Variants in AHRR observed in about 807,000 individuals in gnomAD.
AHRR encodes aryl hydrocarbon receptor repressor.
AHRR carries 28 observed loss-of-function variants against 44.0 expected under a neutral mutation model. The observed-to-expected ratio is 0.64, with a 90% CI of 0.47 to 0.87. The LOEUF is 0.87. Ranked by LOEUF, AHRR falls within the 40% of genes least tolerant of loss-of-function variation. AHRR has a pLI of 0.00. For missense variants in AHRR, 990 were observed against 953.9 expected (o/e 1.04, Z -0.50); for synonymous variants, 434 against 407.0 (o/e 1.07, Z -0.80).
chr5:381,506 CTTTT>C (rs781159124), intron 4 of AHRR, among the ~76,000 whole-genome samples: 4 of 46,914 alleles, frequency 8.5e-5, no homozygotes, highest in Non-Finnish European at 1.5e-4. Context: ...CTTAGGTTTG[CTTTT>C]TTTTTTTTTT....
At chr5:336,161 C>A (rs56325643) in intron 1 of AHRR, among the ~76,000 whole-genome samples, 3 of 152,102 alleles carry the variant, frequency 2.0e-5, no homozygotes. Flanking sequence ...TCCCTAAATC[C>A]GATGCAGATT....
At chr5:324,420 A>AT (rs530944388) in intron 1 of AHRR, among the ~76,000 whole-genome samples, 6 of 148,534 alleles carry the variant, frequency 4.0e-5, no homozygotes, top group African/African-American at 5.0e-5. Flanking sequence ...TCCACTTGGA[A>AT]TTTTTTTTTT....
At chr5:421,252 G>A (rs1736099471) in intron 5 of AHRR, 2 of 696,372 alleles carry the variant, frequency 2.9e-6, no homozygotes, top group Admixed American at 2.0e-5. Context: ...GTTCAGCCAC[G>A]GAGCGGATGC....
At chr5:340,688 A>ATATT (rs1269938749) in intron 1 of AHRR, among the ~76,000 whole-genome samples, 1 of 12,928 alleles carries the variant, frequency 7.7e-5, no homozygotes. Context: ...ATATATATAT[A>ATATT]TTTTTTTTTT....
Position 383,149 on chromosome 5 carries a change from C to A in AHRR, c.351+6433C>A, listed in dbSNP as rs906473637. 3.3e-5 allele frequency among the ~76,000 whole-genome samples: 5 copies of A among 152,124 alleles called. No homozygotes were observed. Among genetic ancestry groups the A allele is most frequent in the Admixed American group, 1.3e-4 (2 of 15,270 alleles). On this transcript the variant is annotated intron_variant, in intron 4 of 10. Coordinates refer to ENST00000684583, the MANE Select transcript of AHRR (RefSeq NM_001377236.1). The surrounding 1 kb of genome is among the most constrained non-coding windows in gnomAD (Gnocchi z 4.0). ...AATATACTTTTTAATGATTTCTATT[C>A]TTTTATATTTGTTAAAGACAATTTT...
Position 436,465 on chromosome 5 carries a change from G to A in AHRR, c.*1631G>A, listed in dbSNP as rs1350733295. The A allele has an allele frequency of 6.6e-6, 1 of 152,468 alleles. No homozygotes were observed. The highest frequency in any genetic ancestry group is 1.5e-5 in the Non-Finnish European group (1 of 68,124). 9.4% of individuals were successfully genotyped at this position (152,468 alleles called of 1,614,324 possible). ...CTGGGTCTTCTGCCCAATGCCAGGT[G>A]CCTGCGCCTCTCAGTGGCCTGGTTC... is the stretch of plus-strand genomic sequence containing the variant. On this transcript the variant is annotated 3_prime_UTR_variant, in exon 11 of 11. Coordinates refer to ENST00000684583, the MANE Select transcript of AHRR (RefSeq NM_001377236.1).
Position 434,627 on chromosome 5 carries a change from G to A in AHRR, c.1887G>A (p.Glu629=), listed in dbSNP as rs368533373. ...CCACAGACGGCCTTCCCCAGTCGGAGCCTCCCCACCAGCTCTGTGCACGGG... is the reference window on the plus strand; with the variant it reads ...CCACAGACGGCCTTCCCCAGTCGGAACCTCCCCACCAGCTCTGTGCACGGG... ...LEPTDGLPQS[E]PPHQLCARGR... is the part of the protein sequence containing the mutation. The change falls in exon 11 of 11, where the codon GAG becomes GAA. Residue 629 remains glutamate (E), a synonymous_variant. Transcript: ENST00000684583. 394 of 1,562,258 alleles carry A rather than the reference G, an allele frequency of 2.5e-4. No homozygotes were observed. The highest frequency in any genetic ancestry group is 3.0e-4 in the Non-Finnish European group (348 of 1,153,502).
At chr5:421,697 C>T (rs969401773) in intron 5 of AHRR, among the ~76,000 whole-genome samples, 2 of 152,176 alleles carry the variant, frequency 1.3e-5, no homozygotes, top group Non-Finnish European at 2.9e-5. Flanking sequence ...AAGGGAACTG[C>T]GGAGGCACAG....
intron 1 of AHRR, among the ~76,000 whole-genome samples, chr5:324,045 T>TTCTC (rs535547539): frequency 1.6e-5 from 2 of 123,366 alleles, no homozygotes; most frequent in African/African-American, 3.2e-5. Flanking sequence ...CTGTCTCTCT[T>TTCTC]TCTCTCTCTC....
At chr5:376,964 G>A (rs1441427015) in intron 4 of AHRR, among the ~76,000 whole-genome samples, 4 of 152,290 alleles carry the variant, frequency 2.6e-5, no homozygotes, top group South Asian at 2.1e-4. Context: ...GAGAGCTCTC[G>A]GCCTTGTGTG....
rs1235517727 is a variant in AHRR, at chr5:405,229, A to C, written c.352-8115A>C. ...GACCCAAAGAGGTTAGCATGGAACC[A>C]ACCCTCTTCCTCGGAGCTGCACGGG... On this transcript the variant is annotated intron_variant, in intron 4 of 10. Coordinates refer to ENST00000684583, the MANE Select transcript of AHRR (RefSeq NM_001377236.1). This position sits in a 1 kb window ranked among gnomAD's most constrained non-coding sequence, Gnocchi z 4.5. 6.6e-6 allele frequency among the ~76,000 whole-genome samples: 1 copy of C among 152,132 alleles called. No individual in the cohort carries two copies. The highest frequency in any genetic ancestry group is 1.5e-5 in the Non-Finnish European group (1 of 68,024).
intron 3 of AHRR, among the ~76,000 whole-genome samples, chr5:359,758 C>T (rs147756094): frequency 2.8e-4 from 43 of 152,302 alleles, no homozygotes; most frequent in Middle Eastern, 3.4e-3. Context: ...GAAGCCCACC[C>T]GGGCTGAACG....
chr5:384,492 C>G (rs1300895756), intron 4 of AHRR, among the ~76,000 whole-genome samples: 1 of 152,078 alleles, frequency 6.6e-6, no homozygotes, highest in Non-Finnish European at 1.5e-5. Context: ...GGCATGATCT[C>G]GATTCACTGC....
intron 5 of AHRR, among the ~76,000 whole-genome samples, chr5:415,647 G>C (rs1245427034): frequency 5.6e-4 from 70 of 124,714 alleles, no homozygotes; most frequent in Middle Eastern, 4.3e-3. Context: ...GCCTGGTGGG[G>C]CGGGAGGCCT....
chr5:369,481 C>T (rs999744776), intron 3 of AHRR, among the ~76,000 whole-genome samples: 2 of 152,226 alleles, frequency 1.3e-5, no homozygotes, highest in Non-Finnish European at 2.9e-5. Flanking sequence ...TACAGCTAGG[C>T]GAGCATGCAG....
At chr5:422,941 G>A (rs1736202333) in intron 6 of AHRR, 83 bp downstream of exon 6, 3 of 1,481,984 alleles carry the variant, frequency 2.0e-6, no homozygotes, top group South Asian at 1.4e-5. Flanking sequence ...TGACCCTGTC[G>A]CACCTTCTTG....
At chr5:324,321 G>A (rs2126309355) in intron 1 of AHRR, among the ~76,000 whole-genome samples, 1 of 151,550 alleles carries the variant, frequency 6.6e-6, no homozygotes, top group Admixed American at 6.6e-5. Flanking sequence ...TCCCCACCTC[G>A]GCCTCCCAAA....
chr5:425,344 A>C (rs990532868), intron 7 of AHRR, among the ~76,000 whole-genome samples: 1 of 152,128 alleles, frequency 6.6e-6, no homozygotes, highest in African/African-American at 2.4e-5. Flanking sequence ...TTTTTGATGG[A>C]GTCTCGCTCT....
At chr5:394,669 GC>G (rs1176358721) in intron 4 of AHRR, among the ~76,000 whole-genome samples, 2 of 151,940 alleles carry the variant, frequency 1.3e-5, no homozygotes, top group African/African-American at 4.8e-5. Flanking sequence ...GCTTGTCTTC[GC>G]CCGTTGCTTG....
Sources: allele counts gnomAD v4.1 joint callset (sites outside exome capture counted in the v4.1 genomes callset), GRCh38; gene constraint gnomAD v4.1.1; non-coding constraint Gnocchi (gnomAD v3.1); transcripts MANE v1.5; gene names NCBI Gene and HGNC (gene_info 2026-07-23, HGNC 2026-07-21).